Variants in AMPH observed in about 807,000 individuals in gnomAD.
AMPH encodes the protein amphiphysin.
In AMPH, 49 loss-of-function variants were observed where a neutral mutation model predicts 99.1. That is an observed-to-expected ratio of 0.49 (90% CI 0.39 to 0.63). The LOEUF (loss-of-function observed/expected upper bound fraction) is 0.63. Ranked by LOEUF, AMPH falls within the 20% of genes least tolerant of loss-of-function variation. AMPH has a pLI of 0.00. For synonymous variants in AMPH, 314 were observed against 317.3 expected, an observed-to-expected ratio of 0.99 and a Z score of 0.11; for missense variants, 759 against 863.4, an observed-to-expected ratio of 0.88 and a Z score of 1.52.
At chr7:38,624,449 C>T (rs1195328329) in intron 1 of AMPH, among the ~76,000 whole-genome samples, 1 of 151,692 alleles carries the variant, frequency 6.6e-6, no homozygotes, top group Non-Finnish European at 1.5e-5. Context: ...GGCTGCAGTG[C>T]AGTGGCACAA....
intron 5 of AMPH, among the ~76,000 whole-genome samples, chr7:38,477,653 G>A (rs762009799): frequency 1.1e-4 from 16 of 152,234 alleles, no homozygotes; most frequent in Non-Finnish European, 1.8e-4. Context: ...GGGGATAGGC[G>A]TAAAGCCCTG....
At chr7:38,529,128 G>C (rs1790299657) in intron 2 of AMPH, among the ~76,000 whole-genome samples, 1 of 152,174 alleles carries the variant, frequency 6.6e-6, no homozygotes, top group Non-Finnish European at 1.5e-5. Flanking sequence ...CTTGGAAGAA[G>C]CGAGTTCCAT....
intron 5 of AMPH, among the ~76,000 whole-genome samples, chr7:38,481,803 T>G (rs73356685): frequency 0.027 from 4,180 of 152,236 alleles, 152 homozygotes; most frequent in African/African-American, 0.096. Flanking sequence ...CTGTGTTCCA[T>G]GCTTTAAAAA....
intron 10 of AMPH, among the ~76,000 whole-genome samples, chr7:38,461,680 G>A (rs145450597): frequency 0.015 from 2,286 of 152,248 alleles, 28 homozygotes; most frequent in Non-Finnish European, 0.022. Flanking sequence ...CAGAGCTGTA[G>A]GGCCAGGCAC....
chr7:38,418,154 T>C, intron 16 of AMPH: 1 of 424,626 alleles, frequency 2.4e-6, no homozygotes, highest in Non-Finnish European at 4.0e-6. Flanking sequence ...ATTAAGCTTC[T>C]GCTTTACCAT....
At chr7:38,569,637 A>G (rs1472574116) in intron 1 of AMPH, among the ~76,000 whole-genome samples, 1 of 152,128 alleles carries the variant, frequency 6.6e-6, no homozygotes, top group Admixed American at 6.5e-5. Context: ...CACTTTTTTA[A>G]AAGAAATTTT....
At chr7:38,433,562 A>G (rs899763668) in intron 12 of AMPH, among the ~76,000 whole-genome samples, 4 of 146,522 alleles carry the variant, frequency 2.7e-5, no homozygotes, top group African/African-American at 1.0e-4. Context: ...CGTCTCTACT[A>G]AAAATACAAA....
At chr7:38,629,497 G>A (rs536974590) in intron 1 of AMPH, among the ~76,000 whole-genome samples, 3 of 151,906 alleles carry the variant, frequency 2.0e-5, no homozygotes, top group South Asian at 2.1e-4. Context: ...TCGTGAAAAA[G>A]TGAGTTTTGA....
intron 1 of AMPH, among the ~76,000 whole-genome samples, chr7:38,545,103 C>T (rs73692758): frequency 2.4e-4 from 37 of 152,218 alleles, no homozygotes; most frequent in African/African-American, 8.4e-4. Context: ...TTTCAAGAAC[C>T]ATACATGTGC....
intron 12 of AMPH, 65 bp from the exon 13 acceptor site, chr7:38,432,277 T>C: frequency 7.0e-7 from 1 of 1,429,118 alleles, no homozygotes; most frequent in Non-Finnish European, 9.8e-7. Context: ...AATGCTGAGG[T>C]GACAAAAGTT....
In AMPH at chr7:38,597,123, T is replaced by C. The variant is rs1205152619; in HGVS notation, c.69+34160A>G. Among the ~76,000 whole-genome samples, 6 of 152,336 alleles carry C rather than the reference T, an allele frequency of 3.9e-5. No homozygotes were observed. In the South Asian group the frequency reaches 1.0e-3, roughly 26 times the overall value. ...TATCAAAAAGCACACATAGTTCTTGTCAACCATTAAAGTAAACTAAAAGGG... is the reference window on the plus strand; with the variant it reads ...TATCAAAAAGCACACATAGTTCTTGCCAACCATTAAAGTAAACTAAAAGGG... On this transcript the variant is annotated intron_variant, in intron 1 of 20. Coordinates refer to ENST00000356264, the MANE Select transcript of AMPH (RefSeq NM_001635.4).
chr7:38,612,572 G>T (rs1485129910), intron 1 of AMPH, among the ~76,000 whole-genome samples: 1 of 152,162 alleles, frequency 6.6e-6, no homozygotes, highest in Non-Finnish European at 1.5e-5. Context: ...TGAAAGAAGA[G>T]CGAGAGAGGA....
At chr7:38,578,828 T>C (rs1054681134) in intron 1 of AMPH, among the ~76,000 whole-genome samples, 5 of 152,054 alleles carry the variant, frequency 3.3e-5, no homozygotes, top group Admixed American at 6.5e-5. Flanking sequence ...GTCAATATAA[T>C]AACATCTTAT....
At chr7:38,590,880 TAAC>T (rs1792831610) in intron 1 of AMPH, among the ~76,000 whole-genome samples, 1 of 152,184 alleles carries the variant, frequency 6.6e-6, no homozygotes, top group Non-Finnish European at 1.5e-5. Context: ...AAGACTAATA[TAAC>T]TTTCATAAAA....
intron 17 of AMPH, among the ~76,000 whole-genome samples, chr7:38,410,244 A>G (rs970858440): frequency 1.3e-5 from 2 of 152,242 alleles, no homozygotes; most frequent in Non-Finnish European, 2.9e-5. Context: ...ACATACCCAG[A>G]GACTAGACTG....
At chr7:38,444,055 G>GA (rs11403760) in intron 11 of AMPH, among the ~76,000 whole-genome samples, 17,446 of 151,972 alleles carry the variant, frequency 0.11, 1,362 homozygotes, top group East Asian at 0.28. Context: ...TGAACAACCA[G>GA]AAAAAACAAA....
chr7:38,588,863 A>G (rs1792757602), intron 1 of AMPH, among the ~76,000 whole-genome samples: 1 of 152,182 alleles, frequency 6.6e-6, no homozygotes, highest in Admixed American at 6.5e-5. Context: ...TGAGGCCATA[A>G]TTGTTAAAAA....
chr7:38,571,932 T>G (rs1240815157), intron 1 of AMPH, among the ~76,000 whole-genome samples: 2 of 150,574 alleles, frequency 1.3e-5, no homozygotes, highest in Non-Finnish European at 3.0e-5. Context: ...TGAGATGGAG[T>G]TTTGCTCTTC....
chr7:38,622,567 T>C (rs1213775397), intron 1 of AMPH, among the ~76,000 whole-genome samples: 1 of 151,944 alleles, frequency 6.6e-6, no homozygotes, highest in East Asian at 1.9e-4. Context: ...TAGGGTAGTG[T>C]TTTTCAAATT....
Sources: allele counts gnomAD v4.1 joint callset (sites outside exome capture counted in the v4.1 genomes callset), GRCh38; gene constraint gnomAD v4.1.1; transcripts MANE v1.5; gene names NCBI Gene and HGNC (gene_info 2026-07-23, HGNC 2026-07-21).